COL21A1: variants seen among roughly 807,000 people sequenced by gnomAD.
COL21A1 encodes collagen alpha-1(XXI) chain.
Under a neutral mutation model 137.9 loss-of-function variants are expected in COL21A1, and 149 were observed. The ratio of observed to expected loss-of-function variants is 1.08; its 90% CI spans 0.95 to 1.24. The LOEUF is 1.24. Among genes scored for constraint, COL21A1 ranks in the 50% most tolerant of loss-of-function variants. The probability of loss-of-function intolerance (pLI) is 0.00; values close to 1 mark genes in which losing one functional copy is unlikely to be tolerated. For missense variants in COL21A1, 1,167 were observed against 1,158.4 expected, an observed-to-expected ratio of 1.01 and a Z score of -0.11; for synonymous variants, 456 against 391.5, an observed-to-expected ratio of 1.16 and a Z score of -1.95.
rs199644204 is a variant in COL21A1, at chr6:56,057,718, G to C, written c.2813C>G (p.Pro938Arg). Residue 938 changes from proline to arginine, a missense_variant, in exon 30 of 30, where the codon CCA becomes CGA. By Grantham distance (103) the Pro-to-Arg change is moderately radical. Coordinates refer to ENST00000244728, the MANE Select transcript of COL21A1 (RefSeq NM_030820.4). ...GGCAATTACACTAAAACATAGTGAT[G>C]GGTCGCAGATGCCTGGGGGGCCTGG... ...GQPGPPGICDPSLCFSVIARR... is the reference protein window; with the variant it reads ...GQPGPPGICDRSLCFSVIARR... 12 of 1,612,998 alleles carry C rather than the reference G, an allele frequency of 7.4e-6. No individual in the cohort carries two copies. Among genetic ancestry groups the C allele is most frequent in the Admixed American group, 1.7e-5 (1 of 59,904 alleles).
chr6:56,378,320 C>T (rs965747560), intron 1 of COL21A1, among the ~76,000 whole-genome samples: 5 of 152,080 alleles, frequency 3.3e-5, no homozygotes, highest in Non-Finnish European at 7.4e-5. Context: ...ATTTCTGGAC[C>T]GCCCTGGGAT....
intron 22 of COL21A1, among the ~76,000 whole-genome samples, chr6:56,068,052 C>A (rs1336876365): frequency 2.0e-5 from 3 of 151,614 alleles, no homozygotes; most frequent in African/African-American, 7.3e-5. Flanking sequence ...AAGTTCTGAA[C>A]AAGAAAATTC....
At chr6:56,268,773 C>T (rs9357899) in intron 1 of COL21A1, among the ~76,000 whole-genome samples, 1 of 151,990 alleles carries the variant, frequency 6.6e-6, no homozygotes, top group African/African-American at 2.4e-5. Context: ...ACCCAGCAGT[C>T]GTTCTTAATC....
At chr6:56,314,647 A>C (rs2152340203) in intron 1 of COL21A1, among the ~76,000 whole-genome samples, 1 of 152,306 alleles carries the variant, frequency 6.6e-6, no homozygotes. Flanking sequence ...TAATTTTAAC[A>C]ACACGAAAAG....
At chr6:56,340,484 G>C (rs1765440329) in intron 1 of COL21A1, among the ~76,000 whole-genome samples, 1 of 152,116 alleles carries the variant, frequency 6.6e-6, no homozygotes, top group Admixed American at 6.5e-5. Context: ...GCTTTTCAAG[G>C]CCAAGTTTAA....
intron 1 of COL21A1, among the ~76,000 whole-genome samples, chr6:56,379,691 T>C (rs953297635): frequency 6.6e-6 from 1 of 152,112 alleles, no homozygotes; most frequent in African/African-American, 2.4e-5. Context: ...GTACCAGACG[T>C]GGTCATGGGA....
rs148501981 is a variant in COL21A1 at position 56,295,966 on chromosome 6, A to G, written c.-39+98005T>C. ...TACATTATCTAGGACTTACAGTATG[A>G]TATTGAATAGGGGTAGTGAGAGGAG... On this transcript the variant is annotated intron_variant, in intron 1 of 28. Transcript: ENST00000370819. Among the ~76,000 whole-genome samples, 729 of 151,948 alleles carry G rather than the reference A, an allele frequency of 4.8e-3. 8 individuals are homozygous for G. Among genetic ancestry groups the G allele is most frequent in the African/African-American group, 0.017 (699 of 41,508 alleles).
intron 1 of COL21A1, among the ~76,000 whole-genome samples, chr6:56,195,484 A>C (rs980949981): frequency 6.6e-6 from 1 of 151,960 alleles, no homozygotes; most frequent in Non-Finnish European, 1.5e-5. Context: ...ATTTTAATAT[A>C]TATTTTAGTT....
intron 1 of COL21A1, among the ~76,000 whole-genome samples, chr6:56,365,137 G>C (rs1024652657): frequency 6.6e-6 from 1 of 152,034 alleles, no homozygotes. Context: ...AATTTATCAG[G>C]AATAAAAACA....
At chr6:56,390,014 T>G (rs1306223940) in intron 1 of COL21A1, among the ~76,000 whole-genome samples, 1 of 152,070 alleles carries the variant, frequency 6.6e-6, no homozygotes, top group Non-Finnish European at 1.5e-5. Context: ...TAATAGTAAA[T>G]ACACAAACAA....
chr6:56,170,851 T>C lies in COL21A1; in HGVS notation c.824A>G (p.Glu275Gly), dbSNP rs750656343. The C allele has an allele frequency of 2.5e-6, 4 of 1,610,124 alleles. No individual in the cohort carries two copies. ...LSELTSNVFP[E>G]GLPPSYVFVS... is the part of the protein sequence containing the mutation. ...AAATACATATGATGGAGGAAGACCT[T>C]CTGGGAAAACATTGCTAGAAAAAGA... Residue 275 changes from glutamate to glycine, a missense_variant, in exon 5 of 30, where the codon GAA (glutamate) becomes GGA (glycine). By Grantham distance (98) the Glu-to-Gly change is moderately conservative. Coordinates refer to ENST00000244728, the MANE Select transcript of COL21A1 (RefSeq NM_030820.4).
At position 56,059,151 on chromosome 6, in the gene COL21A1, G is replaced by A. The variant is rs1379602029; in HGVS notation, c.2686+14C>T. The A allele has an allele frequency of 1.9e-6, 3 of 1,603,462 alleles. No individual in the cohort carries two copies. Among genetic ancestry groups the A allele is most frequent in the Non-Finnish European group, 8.5e-7 (1 of 1,171,318 alleles). On this transcript the variant is annotated intron_variant, in intron 29 of 29. Coordinates refer to ENST00000244728, the MANE Select transcript of COL21A1 (RefSeq NM_030820.4). The stretch of plus-strand genomic sequence containing the variant: ...AATGAGCAGTAACACTTATGAGCAG[G>A]TAGCAATTCTCACCTGGGGGACCAG...
chr6:56,374,653 C>T (rs1346433545), intron 1 of COL21A1, among the ~76,000 whole-genome samples: 4 of 134,220 alleles, frequency 3.0e-5, no homozygotes, highest in Admixed American at 8.7e-5. Flanking sequence ...ACCCGGGAGG[C>T]GGAGTTTGCA....
intron 1 of COL21A1, among the ~76,000 whole-genome samples, chr6:56,286,746 G>A (rs1457683034): frequency 2.0e-5 from 3 of 152,018 alleles, no homozygotes; most frequent in African/African-American, 7.3e-5. Context: ...TACCTCACAG[G>A]GTTATAGTGA....
chr6:56,208,235 T>C (rs532457480), intron 1 of COL21A1, among the ~76,000 whole-genome samples: 7 of 150,896 alleles, frequency 4.6e-5, no homozygotes, highest in African/African-American at 1.7e-4. Context: ...GATGATATGA[T>C]TGTATATTTG....
chr6:56,241,920 A>G (rs767255065), intron 1 of COL21A1, among the ~76,000 whole-genome samples: 1 of 152,194 alleles, frequency 6.6e-6, no homozygotes, highest in Non-Finnish European at 1.5e-5. Flanking sequence ...TAAAAAAGAA[A>G]CAGCAGATTG....
chr6:56,267,275 C>T (rs1403187970), intron 1 of COL21A1, among the ~76,000 whole-genome samples: 1 of 152,190 alleles, frequency 6.6e-6, no homozygotes, highest in Non-Finnish European at 1.5e-5. Flanking sequence ...CTTCCTCTTC[C>T]TAGTAACATT....
chr6:56,350,472 G>A (rs368578957), intron 1 of COL21A1, among the ~76,000 whole-genome samples: 12 of 152,240 alleles, frequency 7.9e-5, no homozygotes, highest in South Asian at 6.2e-4. Context: ...CCTCAAAAGC[G>A]TATTAAATAT....
chr6:56,151,330 T>A (rs1775308243), intron 10 of COL21A1, among the ~76,000 whole-genome samples: 1 of 152,250 alleles, frequency 6.6e-6, no homozygotes, highest in Non-Finnish European at 1.5e-5. Context: ...AAGCTAGTGC[T>A]ATTTCCACAT....
Sources: allele counts gnomAD v4.1 joint callset (sites outside exome capture counted in the v4.1 genomes callset), GRCh38; gene constraint gnomAD v4.1.1; transcripts MANE v1.5; gene names NCBI Gene and HGNC (gene_info 2026-07-23, HGNC 2026-07-21).